The following TAFA1 variants were observed in gnomAD, a reference collection of about 807,000 sequenced individuals.
TAFA1 encodes the protein TAFA chemokine like family member 1.
A neutral mutation model predicts 18.5 loss-of-function variants in TAFA1; 4 were observed. The observed-to-expected ratio is 0.22, with a 90% CI of 0.11 to 0.49. TAFA1 has a LOEUF of 0.49. TAFA1 is among the 20% of genes least tolerant of loss of function. The probability of loss-of-function intolerance (pLI) is 0.98; values close to 1 mark genes in which losing one functional copy is unlikely to be tolerated. For missense variants in TAFA1, 147 were observed against 169.0 expected (o/e 0.87, Z 0.72); for synonymous variants, 56 against 55.2 (o/e 1.01, Z -0.06).
intron 2 of TAFA1, among the ~76,000 whole-genome samples, chr3:68,324,666 G>T (rs1227258068): frequency 1.3e-5 from 2 of 152,144 alleles, no homozygotes; most frequent in Non-Finnish European, 2.9e-5. Context: ...CACATAATTA[G>T]TATTTGGGAG....
At chr3:68,542,324 T>C (rs1437489045) in intron 4 of TAFA1, among the ~76,000 whole-genome samples, 1 of 152,130 alleles carries the variant, frequency 6.6e-6, no homozygotes, top group Non-Finnish European at 1.5e-5. Context: ...ATTGCTTCAA[T>C]TGCTTTATTA....
intron 2 of TAFA1, among the ~76,000 whole-genome samples, chr3:68,088,918 G>A (rs11709742): frequency 0.052 from 7,979 of 152,110 alleles, 287 homozygotes; most frequent in South Asian, 0.17. Flanking sequence ...AGAGCTGATC[G>A]GACATGCTGG....
chr3:68,233,024 T>C (rs2066889939), intron 2 of TAFA1, among the ~76,000 whole-genome samples: 3 of 152,210 alleles, frequency 2.0e-5, no homozygotes. Flanking sequence ...TTGTTAATTT[T>C]TGTCTTTTTG....
At chr3:68,149,877 G>A (rs918851457) in intron 2 of TAFA1, among the ~76,000 whole-genome samples, 1 of 152,146 alleles carries the variant, frequency 6.6e-6, no homozygotes, top group Non-Finnish European at 1.5e-5. Flanking sequence ...CTATTGACAA[G>A]GAAATAGAAG....
At chr3:68,439,725 T>C (rs1250067139) in intron 3 of TAFA1, among the ~76,000 whole-genome samples, 2 of 151,918 alleles carry the variant, frequency 1.3e-5, no homozygotes, top group African/African-American at 4.8e-5. Flanking sequence ...CCCAGCCCAC[T>C]GACTCAAATG....
intron 3 of TAFA1, among the ~76,000 whole-genome samples, chr3:68,421,219 T>A (rs757858666): frequency 6.6e-6 from 1 of 152,186 alleles, no homozygotes; most frequent in Non-Finnish European, 1.5e-5. Context: ...CTTTGGGAAC[T>A]CTGAACCCTT....
At chr3:68,095,959 C>T (rs2065082642) in intron 2 of TAFA1, among the ~76,000 whole-genome samples, 1 of 152,066 alleles carries the variant, frequency 6.6e-6, no homozygotes, top group Non-Finnish European at 1.5e-5. Flanking sequence ...GTGTCGGGAA[C>T]ATTTCAAAAC....
chr3:68,393,953 C>G (rs1312788040), intron 2 of TAFA1, among the ~76,000 whole-genome samples: 1 of 152,172 alleles, frequency 6.6e-6, no homozygotes, highest in Non-Finnish European at 1.5e-5. Context: ...AAAACTGGCA[C>G]AAGACAAGGA....
rs1559637881 is a variant in TAFA1, at chr3:68,370,496, A to ATG, written c.119-46783_119-46782insGT. ...TGTATATATATATATATATATATAT[A>ATG]TATATATATATATATATATACCCAC... On this transcript the variant is annotated intron_variant, in intron 2 of 4. Transcript: ENST00000478136. 2.2e-3 allele frequency among the ~76,000 whole-genome samples: 202 copies of ATG among 89,882 alleles called. 7 individuals are homozygous for ATG. Among genetic ancestry groups the ATG allele is most frequent in the African/African-American group, 7.4e-3 (177 of 23,958 alleles). 59.0% of individuals were successfully genotyped at this position (89,882 alleles called of 152,430 possible).
At chr3:68,338,785 G>T (rs2069021560) in intron 2 of TAFA1, among the ~76,000 whole-genome samples, 1 of 152,138 alleles carries the variant, frequency 6.6e-6, no homozygotes, top group South Asian at 2.1e-4. Flanking sequence ...CTACCATACT[G>T]CTGTATAACA....
At chr3:68,152,335 C>T (rs2065815601) in intron 2 of TAFA1, among the ~76,000 whole-genome samples, 1 of 151,952 alleles carries the variant, frequency 6.6e-6, no homozygotes, top group African/African-American at 2.4e-5. Flanking sequence ...TGCAGTTTTC[C>T]CAAACCTCCC....
chr3:68,453,603 T>A (rs2071604493), intron 3 of TAFA1, among the ~76,000 whole-genome samples: 1 of 152,202 alleles, frequency 6.6e-6, no homozygotes, highest in Non-Finnish European at 1.5e-5. Flanking sequence ...TTCTATCTAA[T>A]GAGAAAATGT....
chr3:68,495,113 G>A (rs1449567054), intron 3 of TAFA1, among the ~76,000 whole-genome samples: 2 of 152,134 alleles, frequency 1.3e-5, no homozygotes, highest in Non-Finnish European at 2.9e-5. Context: ...AAATCCCAGT[G>A]GACACCCACA....
intron 2 of TAFA1, among the ~76,000 whole-genome samples, chr3:68,112,630 TAGTTC>T (rs1188065263): frequency 2.0e-5 from 3 of 152,092 alleles, no homozygotes; most frequent in Admixed American, 6.5e-5. Flanking sequence ...TGGCCCTAGA[TAGTTC>T]AGTAATGCAA....
intron 2 of TAFA1, among the ~76,000 whole-genome samples, chr3:68,239,512 TCTGTGTGAACTACA>T (rs1472620215): frequency 8.6e-5 from 12 of 139,874 alleles, no homozygotes. Context: ...CACCTGAAAT[TCTGTGTGAACTACA>T]CCCCTAGCCT....
intron 2 of TAFA1, among the ~76,000 whole-genome samples, chr3:68,039,019 C>T (rs547414608): frequency 4.6e-5 from 7 of 152,306 alleles, no homozygotes; most frequent in Non-Finnish European, 1.0e-4. Flanking sequence ...TCTTCCTTCT[C>T]TAGTACACTA....
intron 2 of TAFA1, among the ~76,000 whole-genome samples, chr3:68,255,139 T>G (rs1003088069): frequency 6.6e-6 from 1 of 152,162 alleles, no homozygotes; most frequent in Non-Finnish European, 1.5e-5. Context: ...TCATTCATCT[T>G]TAGGTCATCT....
chr3:68,252,385 T>A (rs975867472), intron 2 of TAFA1, among the ~76,000 whole-genome samples: 2 of 152,160 alleles, frequency 1.3e-5, no homozygotes, highest in African/African-American at 4.8e-5. Context: ...GACTATATTT[T>A]GACTATATGC....
At chr3:68,248,730 G>A (rs1350288328) in intron 2 of TAFA1, among the ~76,000 whole-genome samples, 37 of 143,106 alleles carry the variant, frequency 2.6e-4, no homozygotes, top group Admixed American at 5.6e-4. Context: ...GGTGGTGGGC[G>A]GGGGGCGGGG....
Sources: allele counts gnomAD v4.1 joint callset (sites outside exome capture counted in the v4.1 genomes callset), GRCh38; gene constraint gnomAD v4.1.1; transcripts MANE v1.5; gene names NCBI Gene and HGNC (gene_info 2026-07-23, HGNC 2026-07-21).